Variants in PFN2 observed in about 807,000 individuals in gnomAD.
PFN2 encodes profilin-2.
A neutral mutation model predicts 15.3 loss-of-function variants in PFN2; 8 were observed. The observed-to-expected ratio is 0.52, with a 90% CI of 0.31 to 0.95. PFN2 has a LOEUF of 0.95. Ranked by LOEUF, PFN2 falls within the 40% of genes least tolerant of loss-of-function variation. The pLI, the probability that PFN2 is intolerant of heterozygous loss-of-function variation, is 0.05. For missense variants in PFN2, 111 were observed against 182.3 expected, an observed-to-expected ratio of 0.61 and a Z score of 2.25; for synonymous variants, 79 against 67.9, an observed-to-expected ratio of 1.16 and a Z score of -0.81.
Position 149,965,716 on chromosome 3 carries a change from G to GA in PFN2, c.*772_*773insT. 3 of 987,302 alleles carry GA rather than the reference G, an allele frequency of 3.0e-6. No homozygotes were observed. The highest frequency in any genetic ancestry group is 8.9e-5 in the South Asian group (2 of 22,466). 61.2% of individuals were successfully genotyped at this position (987,302 alleles called of 1,614,324 possible). On this transcript the variant is annotated 3_prime_UTR_variant, in exon 3 of 3. Coordinates refer to ENST00000239940, the MANE Select transcript of PFN2 (RefSeq NM_053024.4). ...ATGCCTATGTGCGAAGGGAGGGGGG[G>GA]CGGGAAAAAGAGAAGAGTGAAGGAA...
At chr3:149,968,103 TTTTAAG>T (rs1722741823) in intron 2 of PFN2, 1 of 388,716 alleles carries the variant, frequency 2.6e-6, no homozygotes, top group African/African-American at 2.1e-5. Context: ...TTTAAGAGAC[TTTTAAG>T]TTTAATAAAG....
chr3:149,966,458 T>C lies in PFN2; in HGVS notation c.*31A>G. On this transcript the variant is annotated 3_prime_UTR_variant, in exon 3 of 3. Transcript: ENST00000239940. ...TAGCTAGGAAAGTTTAAGAGCAATT[T>C]TCCCCTAATACTTAACAGTCTGCCT... is the stretch of plus-strand genomic sequence containing the variant. 6.2e-7 allele frequency: 1 copy of C among 1,603,148 alleles called. No individual in the cohort carries two copies. Among genetic ancestry groups the C allele is most frequent in the Non-Finnish European group, 8.5e-7 (1 of 1,177,156 alleles).
chr3:149,970,569 CTCCCCGCCCGCCCGGCAGCCGCA>C (rs919900038), intron 1 of PFN2, 133 bp downstream of exon 1: 10 of 697,492 alleles, frequency 1.4e-5, no homozygotes, highest in African/African-American at 1.9e-5. Context: ...GGGCCTCGGC[CTCCCCGCCCGCCCGGCAGCCGCA>C]TCCTCGGCGC....
rs1722651090 is a variant in PFN2, at chr3:149,965,220, GA to G, written c.*1268del. On this transcript the variant is annotated 3_prime_UTR_variant, in exon 3 of 3. Transcript: ENST00000239940. ...CAATAGTATGGCACAGAATACATATGAAAAAAATTCATCACAAGACAGCCAA... is the reference window on the plus strand; with the variant it reads ...CAATAGTATGGCACAGAATACATATGAAAAAATTCATCACAAGACAGCCAA... 11 of 1,530,218 alleles carry G rather than the reference GA, an allele frequency of 7.2e-6. No homozygotes were observed. The highest frequency in any genetic ancestry group is 8.7e-6 in the Non-Finnish European group (10 of 1,144,346). The allele number at this position is 1,530,218 out of a possible 1,614,324, so 94.8% of individuals were successfully genotyped here. A position where few individuals can be genotyped will look rare whatever the true frequency, so the allele number is the denominator to read the frequency against.
chr3:149,964,992 G>A lies in PFN2; in HGVS notation c.*1497C>T. 1 of 491,518 alleles carries A rather than the reference G, an allele frequency of 2.0e-6. No homozygotes were observed. The highest frequency in any genetic ancestry group is 3.6e-6 in the Non-Finnish European group (1 of 280,098). The allele number at this position is 491,518 out of a possible 1,614,324, so 30.4% of individuals were successfully genotyped here. A position where few individuals can be genotyped will look rare whatever the true frequency, so the allele number is the denominator to read the frequency against. On this transcript the variant is annotated 3_prime_UTR_variant, in exon 3 of 3. Coordinates refer to ENST00000239940, the MANE Select transcript of PFN2 (RefSeq NM_053024.4). ...TTTAAATGCATATTAAATCAGATGAGTTAGACTGTATCCCAGATGTAACAA... is the reference window on the plus strand; with the variant it reads ...TTTAAATGCATATTAAATCAGATGAATTAGACTGTATCCCAGATGTAACAA...
chr3:149,965,524 C>T lies in PFN2; in HGVS notation c.*965G>A. The T allele has an allele frequency of 7.1e-7, 1 of 1,400,648 alleles. No individual in the cohort carries two copies. Among genetic ancestry groups the T allele is most frequent in the South Asian group, 1.7e-5 (1 of 58,308 alleles). 86.8% of individuals were successfully genotyped at this position (1,400,648 alleles called of 1,614,324 possible). A position where few individuals can be genotyped will look rare whatever the true frequency, so the allele number is the denominator to read the frequency against. ...TTTTTGCTCTTGTTTTGCCATTGCA[C>T]TCTTCATATGTCCTGTAGACACTAT... On this transcript the variant is annotated 3_prime_UTR_variant, in exon 3 of 3. Transcript: ENST00000239940.
At chr3:149,969,135 A>G (rs1159813783) in intron 1 of PFN2, among the ~76,000 whole-genome samples, 1 of 151,730 alleles carries the variant, frequency 6.6e-6, no homozygotes, top group East Asian at 1.9e-4. Context: ...TTTCCCTCCT[A>G]TTTTTCTAGC....
chr3:149,969,855 T>C (rs1488217114), intron 1 of PFN2, among the ~76,000 whole-genome samples: 1 of 152,098 alleles, frequency 6.6e-6, no homozygotes, highest in African/African-American at 2.4e-5. Context: ...AAAACTGCAT[T>C]AGTTCCTTTA....
rs1722693152 is a variant in PFN2, at chr3:149,966,389, C to T, written c.*100G>A. 6.3e-7 allele frequency: 1 copy of T among 1,587,558 alleles called. No homozygotes were observed. Among genetic ancestry groups the T allele is most frequent in the East Asian group, 2.2e-5 (1 of 44,790 alleles). On this transcript the variant is annotated 3_prime_UTR_variant, in exon 3 of 3. Coordinates refer to ENST00000239940, the MANE Select transcript of PFN2 (RefSeq NM_053024.4). ...GGAGACACAGGTTCATACCCCATCA[C>T]CCTGCATTGCTAATAAAATTTCCAG... is the stretch of plus-strand genomic sequence containing the variant.
At position 149,966,084 on chromosome 3, in the gene PFN2, C is replaced by A; in HGVS notation, c.*405G>T. 6.5e-7 allele frequency: 1 copy of A among 1,532,562 alleles called. No homozygotes were observed. The highest frequency in any genetic ancestry group is 2.2e-5 in the Admixed American group (1 of 45,432). The allele number at this position is 1,532,562 out of a possible 1,614,324, so 94.9% of individuals were successfully genotyped here. ...TAGAAAATAGGTAAAGAAAAATTAGCTACCATCTACAGTTTGGTAGCATTG... is the reference window on the plus strand; with the variant it reads ...TAGAAAATAGGTAAAGAAAAATTAGATACCATCTACAGTTTGGTAGCATTG... On this transcript the variant is annotated 3_prime_UTR_variant, in exon 3 of 3. Coordinates refer to ENST00000239940, the MANE Select transcript of PFN2 (RefSeq NM_053024.4).
intron 1 of PFN2, among the ~76,000 whole-genome samples, chr3:149,969,787 CAT>C (rs1299847173): frequency 6.6e-6 from 1 of 152,144 alleles, no homozygotes; most frequent in Non-Finnish European, 1.5e-5. Flanking sequence ...ATTCTCCAAA[CAT>C]ATTGCAACCA....
chr3:149,966,237 C>T lies in PFN2; in HGVS notation c.*252G>A. The T allele has an allele frequency of 6.2e-7, 1 of 1,613,646 alleles. No individual in the cohort carries two copies. The highest frequency in any genetic ancestry group is 8.5e-7 in the Non-Finnish European group (1 of 1,179,688). On this transcript the variant is annotated 3_prime_UTR_variant, in exon 3 of 3. Coordinates refer to ENST00000239940, the MANE Select transcript of PFN2 (RefSeq NM_053024.4). Reference sequence around the variant, plus strand: ...CTTGTTAAGTGTGCCTCCGTGGACACCTTCCTTTCCCATGACTATAACCAA... The same window carrying T: ...CTTGTTAAGTGTGCCTCCGTGGACATCTTCCTTTCCCATGACTATAACCAA...
intron 1 of PFN2, 86 bp from the exon 2 acceptor site, chr3:149,968,636 G>T: frequency 1.8e-6 from 2 of 1,141,906 alleles, no homozygotes; most frequent in South Asian, 1.5e-5. Context: ...AACAGGAAGG[G>T]CTGTAGCTAG....
rs1385099088 is a variant in PFN2, at chr3:149,965,259, G to A, written c.*1230C>T. The stretch of plus-strand genomic sequence containing the variant: ...ACAAGACAGCCAAGTCCACAATAAT[G>A]CAACTTCATATAAAAACTCAAGCTG... On this transcript the variant is annotated 3_prime_UTR_variant, in exon 3 of 3. Transcript: ENST00000239940. 1 of 1,535,052 alleles carries A rather than the reference G, an allele frequency of 6.5e-7. No individual in the cohort carries two copies. The highest frequency in any genetic ancestry group is 8.7e-7 in the Non-Finnish European group (1 of 1,146,446).
chr3:149,966,312 G>A lies in PFN2; in HGVS notation c.*177C>T, dbSNP rs367662940. ...ACAAAAGTGAACAGAATTATTTTGG[G>A]GGGGGAGGGCAGAAAGAAAGACACC... On this transcript the variant is annotated 3_prime_UTR_variant, in exon 3 of 3. Transcript: ENST00000239940. The A allele has an allele frequency of 3.1e-6, 5 of 1,606,224 alleles. No individual in the cohort carries two copies. Among genetic ancestry groups the A allele is most frequent in the East Asian group, 4.5e-5 (2 of 44,846 alleles).
In PFN2 at chr3:149,969,445, G is replaced by A. The variant is rs553614444; in HGVS notation, c.133-895C>T. Among the ~76,000 whole-genome samples, 165 of 152,242 alleles carry A rather than the reference G, an allele frequency of 1.1e-3. 5 individuals carry two copies. Among genetic ancestry groups the A allele is most frequent in the Non-Finnish European group, 1.2e-3 (79 of 68,026 alleles). ...CGCAATCTTCCTAGTCAGACAGCGG[G>A]AACTCACACACAAAGACAAGAGGAC... On this transcript the variant is annotated intron_variant, in intron 1 of 2. Coordinates refer to ENST00000239940, the MANE Select transcript of PFN2 (RefSeq NM_053024.4).
In PFN2 at chr3:149,965,478, T is replaced by C; in HGVS notation, c.*1011A>G. ...GGGGATTCAATCAGTATGGTTACTG[T>C]AAGGTCATGGGAGGAAGTGCTTTTT... is the stretch of plus-strand genomic sequence containing the variant. On this transcript the variant is annotated 3_prime_UTR_variant, in exon 3 of 3. Transcript: ENST00000239940. 1 of 1,427,044 alleles carries C rather than the reference T, an allele frequency of 7.0e-7. No homozygotes were observed. The highest frequency in any genetic ancestry group is 1.6e-5 in the South Asian group (1 of 63,218). The allele number at this position is 1,427,044 out of a possible 1,614,324, so 88.4% of individuals were successfully genotyped here.
intron 2 of PFN2, among the ~76,000 whole-genome samples, chr3:149,967,137 A>G (rs543927307): frequency 1.3e-5 from 2 of 152,344 alleles, no homozygotes; most frequent in South Asian, 4.1e-4. Context: ...GTGTTTGCTT[A>G]CTGATAACTT....
intron 1 of PFN2, 86 bp from the exon 2 acceptor site, chr3:149,968,636 G>A: frequency 8.8e-7 from 1 of 1,141,912 alleles, no homozygotes; most frequent in Non-Finnish European, 1.3e-6. Flanking sequence ...AACAGGAAGG[G>A]CTGTAGCTAG....
Sources: gnomAD v4.1 joint callset for allele counts (sites outside exome capture counted in the v4.1 genomes callset) on GRCh38, gnomAD v4.1.1 for gene constraint, MANE v1.5 for transcripts, NCBI Gene and HGNC (gene_info 2026-07-23, HGNC 2026-07-21) for gene names.